EXOC6: variants seen among roughly 807,000 people sequenced by gnomAD.
EXOC6 encodes the protein SEC15-like 1.
In EXOC6, 60 loss-of-function variants were observed where a neutral mutation model predicts 112.5. The observed-to-expected ratio is 0.53, with a 90% confidence interval of 0.43 to 0.66. The LOEUF is 0.66. Ranked by LOEUF, EXOC6 falls within the 30% of genes least tolerant of loss-of-function variation. The pLI is 0.00. For missense variants in EXOC6, 855 were observed against 957.1 expected (o/e 0.89, Z 1.41); for synonymous variants, 295 against 308.0 (o/e 0.96, Z 0.44).
chr10:92,864,797 T>G (rs1180604471), intron 1 of EXOC6, among the ~76,000 whole-genome samples: 1 of 152,080 alleles, frequency 6.6e-6, no homozygotes, highest in Non-Finnish European at 1.5e-5. Flanking sequence ...CCCCCCTGGT[T>G]TGCAGGCCTT....
At chr10:92,968,303 G>A (rs756396900) in intron 17 of EXOC6, among the ~76,000 whole-genome samples, 22 of 151,210 alleles carry the variant, frequency 1.5e-4, no homozygotes, top group Non-Finnish European at 2.1e-4. Context: ...TCCCACCTCA[G>A]CCTCCTGAGT....
intron 4 of EXOC6, among the ~76,000 whole-genome samples, chr10:92,898,376 G>T (rs7081789): frequency 0.41 from 61,311 of 150,626 alleles, 12,990 homozygotes; most frequent in African/African-American, 0.5. Flanking sequence ...GCTGCAGTAG[G>T]CCATGATCGT....
At chr10:92,904,108 G>A (rs1850319350) in intron 5 of EXOC6, among the ~76,000 whole-genome samples, 7 of 151,942 alleles carry the variant, frequency 4.6e-5, no homozygotes, top group African/African-American at 9.7e-5. Flanking sequence ...TGCATTTAAG[G>A]TTCCTCTGTG....
At chr10:92,940,624 G>A in intron 12 of EXOC6, 103 bp from the exon 13 acceptor site, 1 of 694,664 alleles carries the variant, frequency 1.4e-6, no homozygotes, top group Non-Finnish European at 2.4e-6. Flanking sequence ...GCATGCAATG[G>A]GATCTAGTGA....
chr10:92,858,153 A>C (rs1333736122), intron 1 of EXOC6, among the ~76,000 whole-genome samples: 2 of 151,670 alleles, frequency 1.3e-5, no homozygotes, highest in Admixed American at 1.3e-4. Context: ...TGTTGTTTTC[A>C]GGATTTTCCG....
At chr10:92,884,635 A>G (rs906048166) in intron 1 of EXOC6, among the ~76,000 whole-genome samples, 7 of 152,204 alleles carry the variant, frequency 4.6e-5, no homozygotes, top group African/African-American at 1.7e-4. Flanking sequence ...AGATACTTTG[A>G]GATTATATCA....
At position 92,842,080 on chromosome 10, in the gene EXOC6, G is replaced by C. The variant is rs112556538; in HGVS notation, c.86+7256G>C. 8.7e-3 allele frequency among the ~76,000 whole-genome samples: 1,318 copies of C among 152,246 alleles called. 10 individuals are homozygous for C. The highest frequency in any genetic ancestry group is 0.012 in the Non-Finnish European group (832 of 68,012). On this transcript the variant is annotated intron_variant, in intron 1 of 21. Transcript: ENST00000371552. ...AAGTGCTATGAAGAATAAAAACCAGGCCGGGTGCAGTGGCTCACGCCTGGA... is the reference window on the plus strand; with the variant it reads ...AAGTGCTATGAAGAATAAAAACCAGCCCGGGTGCAGTGGCTCACGCCTGGA...
chr10:92,851,016 C>A (rs1297539316), intron 1 of EXOC6, among the ~76,000 whole-genome samples: 3 of 151,914 alleles, frequency 2.0e-5, no homozygotes, highest in African/African-American at 4.8e-5. Context: ...CATTGACTAA[C>A]ACACAAAAAA....
At chr10:92,920,224 A>G (rs1851352096) in intron 8 of EXOC6, among the ~76,000 whole-genome samples, 174 bp downstream of exon 8, 1 of 152,158 alleles carries the variant, frequency 6.6e-6, no homozygotes, top group Admixed American at 6.5e-5. Flanking sequence ...GTGTAATTTC[A>G]AGTGATATAC....
intron 1 of EXOC6, among the ~76,000 whole-genome samples, chr10:92,875,064 A>G (rs1368935205): frequency 6.6e-6 from 1 of 152,158 alleles, no homozygotes; most frequent in Non-Finnish European, 1.5e-5. Context: ...TTTCCTAGGG[A>G]GAACTATAAC....
At chr10:92,896,699 G>A (rs925433812) in intron 4 of EXOC6, among the ~76,000 whole-genome samples, 7 of 151,856 alleles carry the variant, frequency 4.6e-5, no homozygotes, top group Non-Finnish European at 1.0e-4. Context: ...GGGATTACAA[G>A]CATGCGCCAC....
At chr10:92,950,749 A>G (rs1853359991) in intron 14 of EXOC6, among the ~76,000 whole-genome samples, 4 of 152,228 alleles carry the variant, frequency 2.6e-5, no homozygotes, top group Non-Finnish European at 4.4e-5. Flanking sequence ...CCTGAGGGTT[A>G]TGGGAAGCCA....
chr10:92,995,912 TC>T (rs2134171993), intron 18 of EXOC6, among the ~76,000 whole-genome samples: 1 of 152,336 alleles, frequency 6.6e-6, no homozygotes, highest in East Asian at 1.9e-4. Context: ...GTTGTTTGTT[TC>T]TAGTCTGACT....
rs1850282853 is a variant in EXOC6 at position 92,903,397 on chromosome 10, G to A, written c.458+3753G>A. Among the ~76,000 whole-genome samples, 3 of 150,454 alleles carry A rather than the reference G, an allele frequency of 2.0e-5. No homozygotes were observed. The South Asian group carries it at 6.3e-4, about 32-fold the overall frequency. ...AATTTTTTTTTTTTTTACCATCAGT[G>A]AAATCAGAGGTAGAAAAATCATGGG... is the stretch of plus-strand genomic sequence containing the variant. On this transcript the variant is annotated intron_variant, in intron 5 of 21. Transcript: ENST00000260762.
chr10:92,950,104 T>G (rs1564855567), intron 14 of EXOC6, among the ~76,000 whole-genome samples: 1 of 152,244 alleles, frequency 6.6e-6, no homozygotes, highest in Non-Finnish European at 1.5e-5. Context: ...TTGGTCTATG[T>G]ATTACTCATT....
At chr10:92,834,120 T>C (rs530657949), upstream of EXOC6, among the ~76,000 whole-genome samples, 36 of 152,260 alleles carry the variant, frequency 2.4e-4, no homozygotes, top group Non-Finnish European at 4.7e-4. Context: ...CTATCTCTAA[T>C]GGAGGAAATT....
At chr10:92,855,175 C>G (rs1847539980) in intron 1 of EXOC6, among the ~76,000 whole-genome samples, 1 of 152,128 alleles carries the variant, frequency 6.6e-6, no homozygotes, top group Admixed American at 6.5e-5. Flanking sequence ...ACCTTAGCCT[C>G]CCGAGTAGCT....
intron 18 of EXOC6, among the ~76,000 whole-genome samples, chr10:92,994,456 G>A (rs1843393843): frequency 6.6e-6 from 1 of 152,042 alleles, no homozygotes; most frequent in South Asian, 2.1e-4. Context: ...GTTAGAGCAG[G>A]GTAAAAAAGT....
At chr10:92,907,148 A>T (rs1361297346) in intron 5 of EXOC6, among the ~76,000 whole-genome samples, 1 of 152,180 alleles carries the variant, frequency 6.6e-6, no homozygotes, top group African/African-American at 2.4e-5. Context: ...TTTTTTAGGG[A>T]GTATAATCCT....
Sources: allele counts gnomAD v4.1 joint callset (sites outside exome capture counted in the v4.1 genomes callset), GRCh38; gene constraint gnomAD v4.1.1; transcripts MANE v1.5; gene names NCBI Gene and HGNC (gene_info 2026-07-23, HGNC 2026-07-21).